The following NCOA3 variants were observed in gnomAD, a reference collection of about 807,000 sequenced individuals.
NCOA3 encodes the protein CBP-interacting protein.
A neutral mutation model predicts 158.8 loss-of-function variants in NCOA3; 51 were observed. That is an observed-to-expected ratio of 0.32 (90% CI 0.26 to 0.41). NCOA3 has a LOEUF of 0.41. NCOA3 is among the 10% of genes least tolerant of loss of function. NCOA3 has a pLI of 1.00. For missense variants in NCOA3, 1,510 were observed against 1,746.6 expected (o/e 0.86, Z 2.41); for synonymous variants, 537 against 592.4 (o/e 0.91, Z 1.36).
intron 2 of NCOA3, among the ~76,000 whole-genome samples, chr20:47,616,132 GCCCCCCGCCCCCA>G (rs1260671164): frequency 4.5e-4 from 29 of 64,314 alleles, no homozygotes; most frequent in African/African-American, 1.5e-3. Context: ...CACTCCACCC[GCCCCCCGCCCCCA>G]CCCCCCGCCC....
rs899863921 is a variant in NCOA3 at position 47,656,278 on chromosome 20, C to T, written c.*2861C>T. On this transcript the variant is annotated 3_prime_UTR_variant, in exon 23 of 23. Coordinates refer to ENST00000371998, the MANE Select transcript of NCOA3 (RefSeq NM_181659.3). ...ATGTTCATATTATGATGCCACTTTT[C>T]TAAACTGCATCTGGATTGAAAGGTG... The T allele has an allele frequency of 7.9e-5, 12 of 152,044 alleles. No homozygotes were observed. Among genetic ancestry groups the T allele is most frequent in the Non-Finnish European group, 1.5e-4 (10 of 68,002 alleles). The allele number at this position is 152,044 out of a possible 1,614,324, so 9.4% of individuals were successfully genotyped here.
intron 1 of NCOA3, among the ~76,000 whole-genome samples, chr20:47,550,729 C>T (rs2084916613): frequency 6.6e-6 from 1 of 152,040 alleles, no homozygotes; most frequent in Non-Finnish European, 1.5e-5. Context: ...TAACTCCTTC[C>T]ATGTATTTAA....
intron 2 of NCOA3, among the ~76,000 whole-genome samples, chr20:47,616,407 G>T (rs1238034746): frequency 1.3e-5 from 2 of 151,798 alleles, no homozygotes. Flanking sequence ...TGGTCAGGCT[G>T]GTCTCGAACT....
intron 13 of NCOA3, among the ~76,000 whole-genome samples, chr20:47,638,025 T>C (rs960310891): frequency 2.2e-4 from 33 of 152,212 alleles, no homozygotes; most frequent in African/African-American, 4.8e-5. Context: ...ATGGCACTTA[T>C]AGAAAAATAT....
chr20:47,509,300 G>T (rs2084077974), intron 1 of NCOA3, among the ~76,000 whole-genome samples: 1 of 152,120 alleles, frequency 6.6e-6, no homozygotes, highest in Non-Finnish European at 1.5e-5. Flanking sequence ...AGACTGAGCT[G>T]GGAGGATGAC....
At chr20:47,505,427 A>G (rs977507794) in intron 1 of NCOA3, among the ~76,000 whole-genome samples, 1 of 151,976 alleles carries the variant, frequency 6.6e-6, no homozygotes, top group Non-Finnish European at 1.5e-5. Context: ...GAAAACTTTT[A>G]ATTTGTTGCA....
Position 47,633,400 on chromosome 20 carries a change from CTTTTA to C in NCOA3, c.824-88_824-84del, listed in dbSNP as rs956186484. On this transcript the variant is annotated intron_variant, in intron 8 of 22. Coordinates refer to ENST00000371998, the MANE Select transcript of NCOA3 (RefSeq NM_181659.3). The stretch of plus-strand genomic sequence containing the variant: ...AGAAGGTGGAGCAAAGATTTAATAT[CTTTTA>C]TTTTATTCTCCAGTGCTAAGCCATG... 1.4e-5 allele frequency: 17 copies of C among 1,194,312 alleles called. No individual in the cohort carries two copies. In the African/African-American group the frequency reaches 2.3e-4, roughly 16 times the overall value. 74.0% of individuals were successfully genotyped at this position (1,194,312 alleles called of 1,614,324 possible).
chr20:47,599,906 A>G (rs2085829333), intron 2 of NCOA3, among the ~76,000 whole-genome samples: 3 of 152,152 alleles, frequency 2.0e-5, no homozygotes, highest in Admixed American at 2.0e-4. Context: ...TTTGTGAGAT[A>G]TTTATGGCTA....
intron 1 of NCOA3, among the ~76,000 whole-genome samples, chr20:47,540,457 G>C (rs1296086460): frequency 2.0e-5 from 3 of 151,520 alleles, no homozygotes; most frequent in Admixed American, 1.3e-4. Flanking sequence ...CCTGTAATCC[G>C]GCTACTTGAG....
At chr20:47,606,434 C>T (rs926121770) in intron 2 of NCOA3, among the ~76,000 whole-genome samples, 6 of 152,066 alleles carry the variant, frequency 3.9e-5, no homozygotes, top group African/African-American at 9.7e-5. Context: ...CGCCAGACTC[C>T]GCTCCTAGGT....
chr20:47,548,574 TA>T (rs994310236), intron 1 of NCOA3, among the ~76,000 whole-genome samples: 5 of 149,210 alleles, frequency 3.4e-5, no homozygotes, highest in African/African-American at 1.0e-4. Flanking sequence ...AAATAAAAAT[TA>T]AAAAAAAATC....
At chr20:47,520,085 AAAAAAGG>A (rs2084303017) in intron 1 of NCOA3, among the ~76,000 whole-genome samples, 2 of 150,936 alleles carry the variant, frequency 1.3e-5, no homozygotes, top group African/African-American at 2.4e-5. Context: ...AAAAAAAAAA[AAAAAAGG>A]AAGGCTACAG....
rs772403773 is a variant in NCOA3, at chr20:47,642,280, G to A, written c.3148G>A (p.Glu1050Lys). 1.2e-6 allele frequency: 2 copies of A among 1,613,106 alleles called. No individual in the cohort carries two copies. Among genetic ancestry groups the A allele is most frequent in the Non-Finnish European group, 1.7e-6 (2 of 1,179,694 alleles). ...PPSNLEGQSD[E>K]RALLDQLHTL... Reference sequence around the variant, plus strand: ...TTCCAACCTGGAAGGCCAGAGTGACGAAAGAGCATTATTGGACCAGCTGCA... The same window carrying A: ...TTCCAACCTGGAAGGCCAGAGTGACAAAAGAGCATTATTGGACCAGCTGCA... The change falls in exon 17 of 23, where the codon GAA becomes AAA. Residue 1050 changes from glutamate (E) to lysine (K), a missense_variant. This residue lies in a region of NCOA3 where 1,017 missense variants were observed against 1,098.3 expected (regional missense o/e 0.93). Coordinates refer to ENST00000371998, the MANE Select transcript of NCOA3 (RefSeq NM_181659.3).
chr20:47,580,380 T>C (rs1025184838), intron 1 of NCOA3, among the ~76,000 whole-genome samples: 3 of 151,758 alleles, frequency 2.0e-5, no homozygotes, highest in African/African-American at 7.3e-5. Flanking sequence ...GCCTGGCCAA[T>C]GTAGTGAAAC....
At chr20:47,653,368 ATTTTTTTTTT>A (rs545375540) in intron 22 of NCOA3, 28 bp from the exon 23 acceptor site, 318 of 1,390,044 alleles carry the variant, frequency 2.3e-4, no homozygotes, top group East Asian at 5.6e-4. Context: ...TGTTTTACTC[ATTTTTTTTTT>A]TTTTTTTTTT....
At chr20:47,605,924 T>A (rs184677703) in intron 2 of NCOA3, among the ~76,000 whole-genome samples, 32 of 152,356 alleles carry the variant, frequency 2.1e-4, no homozygotes, top group African/African-American at 6.7e-4. Context: ...CTTGTTTATA[T>A]AGGCCTGCAG....
intron 18 of NCOA3, among the ~76,000 whole-genome samples, chr20:47,647,909 GTTTT>G (rs1315522401): frequency 1.6e-5 from 2 of 128,092 alleles, no homozygotes; most frequent in East Asian, 2.4e-4. Flanking sequence ...TTGTTTGTTT[GTTTT>G]GTTTTGTTTT....
chr20:47,555,778 A>G (rs891340870), intron 1 of NCOA3, among the ~76,000 whole-genome samples: 5 of 150,586 alleles, frequency 3.3e-5, no homozygotes, highest in African/African-American at 9.8e-5. Context: ...AGCTGGGACT[A>G]TAGGCGCCTG....
At chr20:47,523,168 A>G in intron 1 of NCOA3, among the ~76,000 whole-genome samples, 1 of 152,198 alleles carries the variant, frequency 6.6e-6, no homozygotes, top group Non-Finnish European at 1.5e-5. Context: ...GCTGGGCGAT[A>G]GAGCGAGCCT....
Sources: gnomAD v4.1 joint callset for allele counts (sites outside exome capture counted in the v4.1 genomes callset) on GRCh38, gnomAD v4.1.1 for gene constraint, gnomAD v4.1.1 regional missense constraint, MANE v1.5 for transcripts, NCBI Gene and HGNC (gene_info 2026-07-23, HGNC 2026-07-21) for gene names.